The following FDFT1 variants were observed in gnomAD, a reference collection of about 807,000 sequenced individuals.
FDFT1 encodes the protein squalene synthase.
Under a neutral mutation model 46.8 loss-of-function variants are expected in FDFT1, and 68 were observed. The ratio of observed to expected loss-of-function variants is 1.45; its 90% CI spans 1.19 to 1.78. The LOEUF (loss-of-function observed/expected upper bound fraction) is 1.78. FDFT1 is among the 40% of genes most tolerant of loss of function. The probability of loss-of-function intolerance (pLI) is 0.00; values close to 1 mark genes in which losing one functional copy is unlikely to be tolerated. For missense variants in FDFT1, 928 were observed against 524.4 expected, an observed-to-expected ratio of 1.77 and a Z score of -7.52; for synonymous variants, 351 against 185.1, an observed-to-expected ratio of 1.90 and a Z score of -7.28.
At chr8:11,836,654 C>A (rs552097160) in intron 7 of FDFT1, among the ~76,000 whole-genome samples, 8 of 152,242 alleles carry the variant, frequency 5.3e-5, no homozygotes, top group Non-Finnish European at 1.2e-4. Context: ...AAGGCTAAGA[C>A]AAGCAGTAAA....
chr8:11,799,463 C>A (rs1585829912), upstream of FDFT1, among the ~76,000 whole-genome samples: 1 of 152,232 alleles, frequency 6.6e-6, no homozygotes, highest in Non-Finnish European at 1.5e-5. Context: ...CCATTGCCTG[C>A]ATGGCCTTAG....
intron 1 of FDFT1, chr8:11,803,145 C>A: frequency 7.0e-7 from 1 of 1,427,284 alleles, no homozygotes; most frequent in Middle Eastern, 2.2e-4. Context: ...CGCAAGCCGC[C>A]CTGGGCATGA....
At chr8:11,827,486 C>G (rs1041213559) in intron 5 of FDFT1, among the ~76,000 whole-genome samples, 5 of 151,706 alleles carry the variant, frequency 3.3e-5, no homozygotes, top group Non-Finnish European at 7.4e-5. Flanking sequence ...CCACTGCACT[C>G]CAGCCTCGGT....
upstream of FDFT1, among the ~76,000 whole-genome samples, chr8:11,801,511 A>G (rs1669462668): frequency 1.3e-5 from 2 of 152,126 alleles, no homozygotes; most frequent in Admixed American, 6.5e-5. Flanking sequence ...GTAGAGACGC[A>G]GTTTCAGCAT....
chr8:11,809,454 G>T (rs1807393851), intron 2 of FDFT1: 1 of 1,284,288 alleles, frequency 7.8e-7, no homozygotes, highest in Non-Finnish European at 9.8e-7. Context: ...TCAACTAGTA[G>T]GCTTTTTAAT....
upstream of FDFT1, among the ~76,000 whole-genome samples, chr8:11,800,590 T>C (rs866702133): frequency 6.6e-6 from 1 of 152,152 alleles, no homozygotes; most frequent in Non-Finnish European, 1.5e-5. Context: ...CACCTTCAAA[T>C]AAGGAAGAGG....
intron 1 of FDFT1, chr8:11,803,240 G>C (rs1452901516): frequency 7.2e-7 from 1 of 1,381,428 alleles, no homozygotes. Flanking sequence ...TTTAACCCGA[G>C]GGTTACACAT....
At chr8:11,806,716 G>C (rs540369125) in intron 1 of FDFT1, among the ~76,000 whole-genome samples, 1 of 152,294 alleles carries the variant, frequency 6.6e-6, no homozygotes, top group South Asian at 2.1e-4. Context: ...TATGTGAAGA[G>C]CTGCTCTGGA....
chr8:11,833,450 G>A (rs190453003), intron 7 of FDFT1, among the ~76,000 whole-genome samples: 39 of 152,312 alleles, frequency 2.6e-4, no homozygotes, highest in Non-Finnish European at 5.1e-4. Context: ...ATTTTATGTA[G>A]TAAGTAGTTG....
Position 11,830,337 on chromosome 8 carries a change from G to A in FDFT1, c.796G>A (p.Ala266Thr), listed in dbSNP as rs752555247. 2.5e-6 allele frequency: 4 copies of A among 1,613,646 alleles called. No individual in the cohort carries two copies. Among genetic ancestry groups the A allele is most frequent in the Non-Finnish European group, 3.4e-6 (4 of 1,179,726 alleles). The stretch of plus-strand genomic sequence containing the variant: ...GTGCCTGAATGAACTTATAACCAAT[G>A]CACTGCACCACATCCCAGATGTCAT... ...VQCLNELITN[A>T]LHHIPDVITY... The change falls in exon 6 of 8, where the codon GCA (alanine) becomes ACA (threonine). Residue 266 changes from alanine (A) to threonine (T), a missense_variant. Physicochemically the swap from Ala to Thr is moderately conservative, Grantham distance 58. Transcript: ENST00000220584.
At chr8:11,808,728 TCCCAC>T (rs1807255380) in intron 1 of FDFT1, 61 bp from the exon 2 acceptor site, 3 of 1,570,804 alleles carry the variant, frequency 1.9e-6, no homozygotes, top group African/African-American at 1.4e-5. Flanking sequence ...CCACTCCCAC[TCCCAC>T]TCCCACTCCC....
intron 7 of FDFT1, among the ~76,000 whole-genome samples, chr8:11,835,004 A>G (rs112746278): frequency 4.9e-4 from 74 of 152,284 alleles, no homozygotes; most frequent in African/African-American, 1.8e-3. Flanking sequence ...CACACTTGTC[A>G]TCCCAGCTAT....
upstream of FDFT1, chr8:11,802,581 G>A (rs745623859): frequency 3.5e-5 from 22 of 623,846 alleles, no homozygotes; most frequent in East Asian, 6.2e-5. Context: ...CTGATTGGCC[G>A]GGGTCTTCCT....
chr8:11,832,626 G>A (rs1423389098), intron 7 of FDFT1, among the ~76,000 whole-genome samples: 2 of 142,474 alleles, frequency 1.4e-5, no homozygotes, highest in Non-Finnish European at 3.0e-5. Flanking sequence ...CTAGGCCCTA[G>A]AGCAGTGGTT....
At chr8:11,813,546 C>G (rs1808021500) in intron 3 of FDFT1, among the ~76,000 whole-genome samples, 1 of 152,166 alleles carries the variant, frequency 6.6e-6, no homozygotes, top group South Asian at 2.1e-4. Flanking sequence ...AGTTAAGTGA[C>G]AGAATCAATG....
intron 3 of FDFT1, among the ~76,000 whole-genome samples, chr8:11,814,994 T>A (rs1185504870): frequency 1.3e-5 from 2 of 152,188 alleles, no homozygotes; most frequent in Middle Eastern, 3.2e-3. Context: ...CATTAGGTAT[T>A]TCTCGTAATG....
intron 2 of FDFT1, 61 bp downstream of exon 2, chr8:11,808,952 G>GT: frequency 1.3e-6 from 2 of 1,575,166 alleles, no homozygotes; most frequent in South Asian, 2.3e-5. Context: ...CTTTGAGTGT[G>GT]TTGGAAGCTA....
chr8:11,809,335 C>CT (rs1009937423), intron 2 of FDFT1: 1 of 1,094,170 alleles, frequency 9.1e-7, no homozygotes, highest in African/African-American at 1.7e-5. Context: ...TGTTTTTTGA[C>CT]TTTCTTTTCT....
At chr8:11,828,050 A>G (rs1435242557) in intron 5 of FDFT1, among the ~76,000 whole-genome samples, 2 of 152,106 alleles carry the variant, frequency 1.3e-5, no homozygotes, top group African/African-American at 4.8e-5. Context: ...AAAATTACAA[A>G]AATTAGCCAA....
Sources: allele counts gnomAD v4.1 joint callset (sites outside exome capture counted in the v4.1 genomes callset), GRCh38; gene constraint gnomAD v4.1.1; transcripts MANE v1.5; gene names NCBI Gene and HGNC (gene_info 2026-07-23, HGNC 2026-07-21).